The following C1QTNF3 variants were observed in gnomAD, a reference collection of about 807,000 sequenced individuals.
The protein encoded by C1QTNF3 is C1q and TNF related 3.
In C1QTNF3, 26 loss-of-function variants were observed where a neutral mutation model predicts 32.6. That is an observed-to-expected ratio of 0.80 (90% confidence interval 0.58 to 1.11). The LOEUF (loss-of-function observed/expected upper bound fraction) is 1.11, where lower values mean the gene tolerates loss of function less well. C1QTNF3 is among the 50% of genes least tolerant of loss of function. C1QTNF3 has a pLI of 0.00. For missense variants in C1QTNF3, 362 were observed against 398.2 expected, an observed-to-expected ratio of 0.91 and a Z score of 0.77; for synonymous variants, 155 against 146.0, an observed-to-expected ratio of 1.06 and a Z score of -0.44.
chr5:34,123,401 A>G, the C1QTNF3 span, among the ~76,000 whole-genome samples: 1 of 152,120 alleles, frequency 6.6e-6, no homozygotes, highest in Non-Finnish European at 1.5e-5. Context: ...TATAAATAAT[A>G]TCAGATTTTC....
chr5:34,174,795 G>A, the C1QTNF3 span, among the ~76,000 whole-genome samples: 67 of 151,964 alleles, frequency 4.4e-4, no homozygotes, highest in East Asian at 0.011. Context: ...GCTGGAGTGC[G>A]GTGGCACAAT....
At chr5:34,030,910 C>T (rs1301705840) in intron 3 of C1QTNF3, among the ~76,000 whole-genome samples, 1 of 151,996 alleles carries the variant, frequency 6.6e-6, no homozygotes, top group East Asian at 1.9e-4. Context: ...TAGAGGGGAA[C>T]AACACACACT....
the C1QTNF3 span, among the ~76,000 whole-genome samples, chr5:34,218,641 G>C: frequency 1.3e-5 from 2 of 152,064 alleles, no homozygotes; most frequent in Admixed American, 6.6e-5. Flanking sequence ...CTTCTGAGTA[G>C]AAAGAGGAGA....
At position 34,042,828 on chromosome 5, in the gene C1QTNF3, C is replaced by T. The variant is rs751972062; in HGVS notation, c.298G>A (p.Gly100Ser). The change falls in exon 1 of 6, where the codon GGC becomes AGC. Residue 100 changes from glycine to serine, a missense_variant. Physicochemically the swap from Gly to Ser is moderately conservative, Grantham distance 56. Coordinates refer to ENST00000382065, the MANE Select transcript of C1QTNF3 (RefSeq NM_181435.6). The part of the protein sequence containing the change: ...DDLAQITTFW[G>S]QSPQTGGLPP... ...TAGAAGAGAATTCTGAGTACCTGGCCCCAGAATGTGGTGATCTGGGCTAGG... is the reference window on the plus strand; with the variant it reads ...TAGAAGAGAATTCTGAGTACCTGGCTCCAGAATGTGGTGATCTGGGCTAGG... 1 of 1,610,814 alleles carries T rather than the reference C, an allele frequency of 6.2e-7. No individual in the cohort carries two copies. Among genetic ancestry groups the T allele is most frequent in the Non-Finnish European group, 8.5e-7 (1 of 1,177,820 alleles).
the C1QTNF3 span, among the ~76,000 whole-genome samples, chr5:34,132,366 C>G: frequency 6.6e-6 from 1 of 150,786 alleles, no homozygotes; most frequent in Admixed American, 6.6e-5. Flanking sequence ...GCCTGGGCAA[C>G]AGAGGGAGAC....
At chr5:34,106,903 A>T in the C1QTNF3 span, among the ~76,000 whole-genome samples, 6 of 90,902 alleles carry the variant, frequency 6.6e-5, no homozygotes, top group Non-Finnish European at 1.1e-4. Flanking sequence ...CCTGCTAGAA[A>T]ATAGAGAAGT....
the C1QTNF3 span, among the ~76,000 whole-genome samples, chr5:34,097,533 C>T: frequency 8.9e-6 from 1 of 111,880 alleles, no homozygotes; most frequent in Non-Finnish European, 1.8e-5. Context: ...TGACCTGAAT[C>T]CAATCAATCT....
chr5:34,222,381 A>G, the C1QTNF3 span, among the ~76,000 whole-genome samples: 2 of 151,870 alleles, frequency 1.3e-5, no homozygotes, highest in Non-Finnish European at 2.9e-5. Flanking sequence ...GCAGACAATA[A>G]TAATGGAGTT....
At chr5:34,133,703 A>T in the C1QTNF3 span, among the ~76,000 whole-genome samples, 2 of 152,230 alleles carry the variant, frequency 1.3e-5, no homozygotes, top group Non-Finnish European at 2.9e-5. Context: ...CAATTCTACC[A>T]TCATAGCAAA....
At chr5:34,218,518 G>T in the C1QTNF3 span, 1 of 152,134 alleles carries the variant, frequency 6.6e-6, no homozygotes, top group Non-Finnish European at 1.5e-5. Flanking sequence ...TCGCAAAATA[G>T]GTATGAAATT....
intron 4 of C1QTNF3, among the ~76,000 whole-genome samples, chr5:34,026,456 CAAAAAA>C (rs11335593): frequency 2.2e-5 from 2 of 92,786 alleles, no homozygotes; most frequent in Non-Finnish European, 2.4e-5. Context: ...AATCTGCCAG[CAAAAAA>C]AAAAAAAAAA....
chr5:34,204,063 C>T, the C1QTNF3 span, among the ~76,000 whole-genome samples: 3 of 151,860 alleles, frequency 2.0e-5, no homozygotes, highest in South Asian at 4.2e-4. Context: ...GACAGCAATA[C>T]GGTAATACTG....
the C1QTNF3 span, chr5:34,166,818 G>A: frequency 6.6e-6 from 1 of 150,946 alleles, no homozygotes; most frequent in Admixed American, 6.6e-5. Flanking sequence ...TGAGAGTTAT[G>A]ATCGGTTACT....
At chr5:34,138,306 C>T in the C1QTNF3 span, among the ~76,000 whole-genome samples, 1 of 152,110 alleles carries the variant, frequency 6.6e-6, no homozygotes, top group Non-Finnish European at 1.5e-5. Context: ...AACGTGAACA[C>T]TATTTTTTTT....
At chr5:34,041,424 C>G (rs1362948764) in intron 1 of C1QTNF3, among the ~76,000 whole-genome samples, 1 of 152,176 alleles carries the variant, frequency 6.6e-6, no homozygotes, top group Non-Finnish European at 1.5e-5. Flanking sequence ...TCTGCTTCCT[C>G]TGGGGGAATC....
At chr5:34,079,964 TAAG>T in the C1QTNF3 span, among the ~76,000 whole-genome samples, 3 of 151,840 alleles carry the variant, frequency 2.0e-5, no homozygotes, top group South Asian at 6.2e-4. Flanking sequence ...AAGAAGGAAA[TAAG>T]AAACTTTTAG....
the C1QTNF3 span, among the ~76,000 whole-genome samples, chr5:34,079,512 A>G: frequency 1.3e-5 from 2 of 151,698 alleles, no homozygotes; most frequent in African/African-American, 4.9e-5. Flanking sequence ...TAGCCATTCT[A>G]GCTGGAGTGA....
the C1QTNF3 span, among the ~76,000 whole-genome samples, chr5:34,164,170 G>C: frequency 6.6e-6 from 1 of 152,126 alleles, no homozygotes; most frequent in African/African-American, 2.4e-5. Flanking sequence ...TTGGCAGGTG[G>C]TTAAAGAAAT....
upstream of C1QTNF3, chr5:34,043,220 T>A (rs139631515): frequency 2.0e-4 from 269 of 1,338,996 alleles, no homozygotes; most frequent in African/African-American, 3.4e-3. Context: ...AGCTGAGAGC[T>A]GCAGCGGCGG....
Sources: allele counts gnomAD v4.1 joint callset (sites outside exome capture counted in the v4.1 genomes callset), GRCh38; gene constraint gnomAD v4.1.1; transcripts MANE v1.5; gene names NCBI Gene and HGNC (gene_info 2026-07-23, HGNC 2026-07-21).